ADRA1A: variants seen among roughly 807,000 people sequenced by gnomAD.
ADRA1A encodes adrenoceptor alpha 1A, also known as alpha-1A adrenergic receptor.
In ADRA1A, 31 loss-of-function variants were observed where a neutral mutation model predicts 29.6. The observed-to-expected ratio is 1.05, with a 90% CI of 0.79 to 1.41. The LOEUF is 1.41. Ranked by LOEUF, ADRA1A falls within the 40% of genes most tolerant of loss-of-function variation. The probability of loss-of-function intolerance (pLI) is 0.00; values close to 1 mark genes in which losing one functional copy is unlikely to be tolerated. For synonymous variants in ADRA1A, 311 were observed against 254.3 expected (o/e 1.22, Z -2.12); for missense variants, 619 against 601.1 (o/e 1.03, Z -0.31).
In ADRA1A at chr8:26,864,783, A is replaced by G; in HGVS notation, c.187T>C (p.Tyr63His). 2 of 1,614,118 alleles carry G rather than the reference A, an allele frequency of 1.2e-6. No individual in the cohort carries two copies. Among genetic ancestry groups the G allele is most frequent in the Non-Finnish European group, 1.7e-6 (2 of 1,180,014 alleles). ...CHRHLHSVTH[Y>H]YIVNLAVADL... ...GCCACCGCCAGGTTGACGATGTAGTAGTGCGTGACTGAGTGCAGGTGTCGG... is the reference window on the plus strand; with the variant it reads ...GCCACCGCCAGGTTGACGATGTAGTGGTGCGTGACTGAGTGCAGGTGTCGG... The change falls in exon 2 of 3, where the codon TAC becomes CAC. Residue 63 changes from tyrosine (Y) to histidine (H), a missense_variant. By Grantham distance (83) the Tyr-to-His change is moderately conservative (BLOSUM62 2). Transcript: ENST00000380573. This position sits in a 1 kb window ranked among gnomAD's most constrained non-coding sequence, Gnocchi z 8.1.
intron 2 of ADRA1A, among the ~76,000 whole-genome samples, chr8:26,786,574 A>T (rs1263282291): frequency 6.6e-6 from 1 of 151,966 alleles, no homozygotes; most frequent in Non-Finnish European, 1.5e-5. Flanking sequence ...TCTATGGAAT[A>T]CTTCTCTGCA....
At position 26,841,798 on chromosome 8, in the gene ADRA1A, A is replaced by AT. The variant is rs536507711; in HGVS notation, c.883+22288dup. On this transcript the variant is annotated intron_variant, in intron 2 of 2. Transcript: ENST00000380573. The surrounding 1 kb of genome is among the most constrained non-coding windows in gnomAD (Gnocchi z 4.4). ...AAATGACCTCAGATTACTAAACGCTATTTTTTTTCTCCTTTTCTTTCCCCT... is the reference window on the plus strand; with the variant it reads ...AAATGACCTCAGATTACTAAACGCTATTTTTTTTTCTCCTTTTCTTTCCCCT... Among the ~76,000 whole-genome samples, 3 of 151,852 alleles carry AT rather than the reference A, an allele frequency of 2.0e-5. No homozygotes were observed. The highest frequency in any genetic ancestry group is 1.3e-4 in the Admixed American group (2 of 15,248).
In ADRA1A at chr8:26,769,098, CA is replaced by C. The variant is rs1197841070; in HGVS notation, c.*1050del. ...CAACATGCCACAGGTGAAGCTCATT[CA>C]TTATGCAATAGTGAAGCAGATAAGA... On this transcript the variant is annotated 3_prime_UTR_variant, in exon 3 of 3. Coordinates refer to ENST00000380573, the MANE Select transcript of ADRA1A (RefSeq NM_000680.4). The C allele has an allele frequency of 1.0e-6, 1 of 985,288 alleles. No individual in the cohort carries two copies. Among genetic ancestry groups the C allele is most frequent in the Non-Finnish European group, 1.2e-6 (1 of 829,898 alleles). 61.0% of individuals were successfully genotyped at this position (985,288 alleles called of 1,614,324 possible).
intron 2 of ADRA1A, chr8:26,757,217 G>A: frequency 1.4e-6 from 1 of 695,946 alleles, no homozygotes; most frequent in Non-Finnish European, 2.6e-6. Flanking sequence ...AAACAAGTTT[G>A]AGATTCTGAG....
intron 2 of ADRA1A, among the ~76,000 whole-genome samples, chr8:26,832,407 G>GGAGT (rs1373345583): frequency 4.6e-5 from 7 of 152,072 alleles, no homozygotes; most frequent in Non-Finnish European, 7.3e-5. Context: ...TCTTTGCGGA[G>GGAGT]GCAAAAGTCT....
In ADRA1A at chr8:26,777,995, T is replaced by C. The variant is rs1031248503; in HGVS notation, c.884-7329A>G. 4.6e-5 allele frequency among the ~76,000 whole-genome samples: 7 copies of C among 152,344 alleles called. No individual in the cohort carries two copies. In the East Asian group the frequency reaches 1.2e-3, roughly 25 times the overall value. On this transcript the variant is annotated intron_variant, in intron 2 of 2. Coordinates refer to ENST00000380573, the MANE Select transcript of ADRA1A (RefSeq NM_000680.4). The stretch of plus-strand genomic sequence containing the variant: ...ACTTGGGGAGATGTCCTCTCATCCC[T>C]CAAACTTCTGCAAGTGGCAGCTAAA...
chr8:26,822,950 G>C (rs1287693334), intron 2 of ADRA1A, among the ~76,000 whole-genome samples: 1 of 152,072 alleles, frequency 6.6e-6, no homozygotes, highest in East Asian at 1.9e-4. Context: ...AAGGGAAGAT[G>C]GTGTCAAACT....
intron 2 of ADRA1A, among the ~76,000 whole-genome samples, chr8:26,836,884 C>T (rs970370306): frequency 3.3e-5 from 5 of 152,054 alleles, no homozygotes; most frequent in African/African-American, 1.2e-4. Flanking sequence ...TGCTTAGGTC[C>T]CTTCAGACTG....
chr8:26,864,181 C>A lies in ADRA1A; in HGVS notation c.789G>T (p.Lys263Asn). ...TKTHFSVRLL[K>N]FSREKKAAKT... Reference sequence around the variant, plus strand: ...TGGCCGCTTTCTTCTCCCGGGAGAACTTGAGGAGCCTCACTGAGAAGTGCG... The same window carrying A: ...TGGCCGCTTTCTTCTCCCGGGAGAAATTGAGGAGCCTCACTGAGAAGTGCG... Residue 263 changes from lysine to asparagine, a missense_variant, in exon 2 of 3, where the codon AAG (lysine) becomes AAT (asparagine). Lys to Asn is a moderately conservative substitution (Grantham distance 94). Coordinates refer to ENST00000380573, the MANE Select transcript of ADRA1A (RefSeq NM_000680.4). This position sits in a 1 kb window ranked among gnomAD's most constrained non-coding sequence, Gnocchi z 8.1. 1 of 1,614,146 alleles carries A rather than the reference C, an allele frequency of 6.2e-7. No homozygotes were observed. The highest frequency in any genetic ancestry group is 1.1e-5 in the South Asian group (1 of 91,074).
At chr8:26,751,029 A>G (rs1255854883) in intron 2 of ADRA1A, among the ~76,000 whole-genome samples, 1 of 149,600 alleles carries the variant, frequency 6.7e-6, no homozygotes. Flanking sequence ...AGATTGTGCT[A>G]TTGCACTCCA....
intron 2 of ADRA1A, among the ~76,000 whole-genome samples, chr8:26,826,216 C>G (rs1262362093): frequency 6.6e-6 from 1 of 152,212 alleles, no homozygotes; most frequent in African/African-American, 2.4e-5. Flanking sequence ...TAATGAAAGT[C>G]TCATGAGTGA....
rs191727696 is a variant in ADRA1A at position 26,791,240 on chromosome 8, G to T, written c.884-20574C>A. Among the ~76,000 whole-genome samples the T allele has an allele frequency of 2.6e-3, 398 of 152,072 alleles. 2 individuals are homozygous for T. Among genetic ancestry groups the T allele is most frequent in the Non-Finnish European group, 4.2e-3 (286 of 67,974 alleles). ...TACTTCTGCTAATTTGAATATTTTG[G>T]TTATTTCCAGTTTCCTCTATTATAA... On this transcript the variant is annotated intron_variant, in intron 2 of 2. Coordinates refer to ENST00000380573, the MANE Select transcript of ADRA1A (RefSeq NM_000680.4).
At chr8:26,809,063 AC>A (rs1400282519) in intron 2 of ADRA1A, among the ~76,000 whole-genome samples, 1 of 152,124 alleles carries the variant, frequency 6.6e-6, no homozygotes. Context: ...CAATACCCTT[AC>A]CACCTGCCAT....
chr8:26,818,248 T>C (rs966164096), intron 2 of ADRA1A, among the ~76,000 whole-genome samples: 1 of 152,208 alleles, frequency 6.6e-6, no homozygotes. Flanking sequence ...TTTATGGTCA[T>C]GGCATGTGAC....
At chr8:26,803,724 A>T (rs984824067) in intron 2 of ADRA1A, among the ~76,000 whole-genome samples, 1 of 152,170 alleles carries the variant, frequency 6.6e-6, no homozygotes, top group Non-Finnish European at 1.5e-5. Flanking sequence ...CAACTCAATA[A>T]TTTTAAAAGT....
chr8:26,825,305 T>C lies in ADRA1A; in HGVS notation c.883+38782A>G, dbSNP rs188503534. Among the ~76,000 whole-genome samples the C allele has an allele frequency of 1.6e-4, 24 of 152,168 alleles. No homozygotes were observed. Among genetic ancestry groups the C allele is most frequent in the African/African-American group, 5.5e-4 (23 of 41,508 alleles). ...TTTCTGATTGTAGCTCAGCTCCTTT[T>C]CTTTTCTTCTCTCTTCTTCCTGCCT... On this transcript the variant is annotated intron_variant, in intron 2 of 2. Coordinates refer to ENST00000380573, the MANE Select transcript of ADRA1A (RefSeq NM_000680.4). The surrounding 1 kb of genome is among the most constrained non-coding windows in gnomAD (Gnocchi z 5.7).
downstream of ADRA1A, among the ~76,000 whole-genome samples, chr8:26,768,366 C>A (rs938164499): frequency 6.6e-6 from 1 of 152,150 alleles, no homozygotes; most frequent in Non-Finnish European, 1.5e-5. Flanking sequence ...TGATTGTTGT[C>A]GAGAATTATT....
At chr8:26,754,139 C>T (rs187323557), downstream of ADRA1A, among the ~76,000 whole-genome samples, 47 of 152,284 alleles carry the variant, frequency 3.1e-4, 1 homozygote, top group Middle Eastern at 0.01. Flanking sequence ...TTCAGAAACA[C>T]TTAAACAGCA....
chr8:26,807,504 A>G (rs1321609986), intron 2 of ADRA1A, among the ~76,000 whole-genome samples: 1 of 152,218 alleles, frequency 6.6e-6, no homozygotes, highest in Non-Finnish European at 1.5e-5. Context: ...GTTCTCAAAG[A>G]TCATGTTGCA....
Sources: allele counts gnomAD v4.1 joint callset (sites outside exome capture counted in the v4.1 genomes callset), GRCh38; gene constraint gnomAD v4.1.1; non-coding constraint Gnocchi (gnomAD v3.1); transcripts MANE v1.5; gene names NCBI Gene and HGNC (gene_info 2026-07-23, HGNC 2026-07-21).